Variants in SCAMP1 observed in about 807,000 individuals in gnomAD.
The protein encoded by SCAMP1 is secretory carrier membrane protein 1.
Under a neutral mutation model 41.8 loss-of-function variants are expected in SCAMP1, and 15 were observed. The ratio of observed to expected loss-of-function variants is 0.36; its 90% confidence interval spans 0.24 to 0.55. SCAMP1 has a LOEUF of 0.55. Among genes scored for constraint, SCAMP1 ranks in the 20% least tolerant of loss-of-function variants. The pLI, the probability that SCAMP1 is intolerant of heterozygous loss-of-function variation, is 0.86. For missense variants in SCAMP1, 341 were observed against 412.6 expected (o/e 0.83, Z 1.50); for synonymous variants, 135 against 136.8 (o/e 0.99, Z 0.09).
intron 5 of SCAMP1, among the ~76,000 whole-genome samples, chr5:78,419,638 A>T (rs1254184208): frequency 2.0e-5 from 3 of 152,184 alleles, no homozygotes; most frequent in Non-Finnish European, 4.4e-5. Flanking sequence ...GGAGGTAGCT[A>T]TTGAGGGTTC....
intron 1 of SCAMP1, among the ~76,000 whole-genome samples, chr5:78,378,637 A>G (rs910319988): frequency 2.0e-5 from 3 of 152,252 alleles, no homozygotes; most frequent in African/African-American, 7.2e-5. Flanking sequence ...ACTGTGAAGT[A>G]ACACTGTAAA....
At chr5:78,453,027 G>C (rs899823029) in intron 7 of SCAMP1, among the ~76,000 whole-genome samples, 47 of 144,634 alleles carry the variant, frequency 3.2e-4, no homozygotes, top group African/African-American at 1.1e-3. Context: ...CTTTTTGATG[G>C]GGTTGTTTGT....
intron 2 of SCAMP1, among the ~76,000 whole-genome samples, chr5:78,407,342 A>G (rs1313227112): frequency 1.3e-5 from 2 of 152,030 alleles, no homozygotes; most frequent in Non-Finnish European, 2.9e-5. Context: ...ATTATCAGTT[A>G]TTTTCTCTCA....
intron 1 of SCAMP1, among the ~76,000 whole-genome samples, chr5:78,362,985 C>T (rs551077570): frequency 2.6e-5 from 4 of 151,102 alleles, no homozygotes; most frequent in African/African-American, 9.7e-5. Context: ...CTCTGCCTCC[C>T]GTGTTCAAGT....
intron 6 of SCAMP1, among the ~76,000 whole-genome samples, chr5:78,445,462 T>G (rs1039523822): frequency 6.6e-6 from 1 of 152,224 alleles, no homozygotes; most frequent in Admixed American, 6.5e-5. Context: ...GATTACAATT[T>G]AATTCACATA....
At chr5:78,430,881 A>G (rs887626024) in intron 6 of SCAMP1, among the ~76,000 whole-genome samples, 4 of 152,052 alleles carry the variant, frequency 2.6e-5, no homozygotes, top group African/African-American at 9.7e-5. Flanking sequence ...CTCTTTAACT[A>G]GTGTAGTTAG....
chr5:78,474,908 A>G (rs547139571), intron 8 of SCAMP1, among the ~76,000 whole-genome samples: 4 of 152,320 alleles, frequency 2.6e-5, no homozygotes, highest in African/African-American at 9.6e-5. Flanking sequence ...ATTAATCAGT[A>G]TGGAGAAACA....
At chr5:78,383,698 C>T (rs1402323161) in intron 1 of SCAMP1, among the ~76,000 whole-genome samples, 3 of 152,138 alleles carry the variant, frequency 2.0e-5, no homozygotes, top group African/African-American at 7.2e-5. Context: ...TGTCCTTTCT[C>T]CACATTATGT....
At chr5:78,404,490 G>A (rs2115432) in intron 2 of SCAMP1, among the ~76,000 whole-genome samples, 38,916 of 132,978 alleles carry the variant, frequency 0.29, 5,724 homozygotes, top group East Asian at 0.54. Context: ...CTGACATGAT[G>A]TACTGGGTAA....
chr5:78,460,808 C>CTTTCTTTCTTTCTTTT lies in SCAMP1; in HGVS notation c.852+1446_852+1447insTTTCTTTCTTTCTTTT, dbSNP rs1164686959. On this transcript the variant is annotated intron_variant, in intron 8 of 8. Transcript: ENST00000621999. ...TCCTTCCTTCCTTCCTTCCTTCCTC[C>CTTTCTTTCTTTCTTTT]CTTCCTTCCTTCCTTTCTTGTCTTT... Among the ~76,000 whole-genome samples the CTTTCTTTCTTTCTTTT allele has an allele frequency of 1.3e-4, 3 of 23,132 alleles. 1 individual carries two copies. In the East Asian group the frequency reaches 3.2e-3, roughly 25 times the overall value. 15.2% of individuals were successfully genotyped at this position (23,132 alleles called of 152,430 possible).
intron 2 of SCAMP1, 111 bp from the exon 3 acceptor site, chr5:78,415,409 A>C: frequency 3.1e-6 from 2 of 647,872 alleles, no homozygotes; most frequent in South Asian, 1.9e-5. Context: ...AGAGCAGGGA[A>C]TGAAGAGATG....
In SCAMP1 at chr5:78,449,919, T is replaced by TC; in HGVS notation, c.633-14_633-13insC. On this transcript the variant is annotated splice_polypyrimidine_tract_variant and intron_variant, in intron 6 of 8. Coordinates refer to ENST00000621999, the MANE Select transcript of SCAMP1 (RefSeq NM_004866.6). ...TAACCCCCTTTTTTCTTTCTTTCTT[T>TC]TTTTTTTTCAAAGGAGTGACAGTTC... 7.0e-7 allele frequency: 1 copy of TC among 1,433,702 alleles called. No individual in the cohort carries two copies. The highest frequency in any genetic ancestry group is 9.4e-7 in the Non-Finnish European group (1 of 1,061,466). 88.8% of individuals were successfully genotyped at this position (1,433,702 alleles called of 1,614,324 possible). A position where few individuals can be genotyped will look rare whatever the true frequency, so the allele number is the denominator to read the frequency against.
chr5:78,462,196 A>AGTGTGTGTGTGT lies in SCAMP1; in HGVS notation c.852+2855_852+2866dup, dbSNP rs58331355. On this transcript the variant is annotated intron_variant, in intron 8 of 8. Transcript: ENST00000621999. ...TAAATGTATTCTGGATGTGTGTAGG[A>AGTGTGTGTGTGT]GTGTGTGTGTGTGTGTGTGTGTGTG... Among the ~76,000 whole-genome samples, 29 of 147,986 alleles carry AGTGTGTGTGTGT rather than the reference A, an allele frequency of 2.0e-4. No homozygotes were observed. In the East Asian group the frequency reaches 2.2e-3, roughly 11 times the overall value.
chr5:78,469,623 T>C (rs1561290745), intron 8 of SCAMP1, among the ~76,000 whole-genome samples: 1 of 151,918 alleles, frequency 6.6e-6, no homozygotes, highest in African/African-American at 2.4e-5. Flanking sequence ...TTTCGTAGAT[T>C]GGTGAGTATT....
intron 7 of SCAMP1, among the ~76,000 whole-genome samples, chr5:78,458,360 G>C (rs1323041594): frequency 1.3e-5 from 2 of 152,090 alleles, no homozygotes; most frequent in East Asian, 3.9e-4. Context: ...ATCCTAATAG[G>C]TGTGTAGTGA....
chr5:78,409,562 T>A (rs1157132080), intron 2 of SCAMP1, among the ~76,000 whole-genome samples: 1 of 152,188 alleles, frequency 6.6e-6, no homozygotes, highest in Non-Finnish European at 1.5e-5. Flanking sequence ...TCTACTTGGC[T>A]TGAGTTGGCT....
intron 6 of SCAMP1, among the ~76,000 whole-genome samples, chr5:78,448,542 A>G (rs890149759): frequency 1.6e-4 from 25 of 152,374 alleles, no homozygotes; most frequent in African/African-American, 5.5e-4. Flanking sequence ...CAAAAAGCAC[A>G]TAAAAAGATG....
chr5:78,446,629 A>G (rs4533867), intron 6 of SCAMP1, among the ~76,000 whole-genome samples: 4,341 of 152,296 alleles, frequency 0.029, 224 homozygotes, highest in African/African-American at 0.097. Context: ...GATGTGTTCT[A>G]TAGTATCCCT....
chr5:78,377,542 T>C (rs906692945), intron 1 of SCAMP1, among the ~76,000 whole-genome samples: 1 of 152,212 alleles, frequency 6.6e-6, no homozygotes, highest in Non-Finnish European at 1.5e-5. Flanking sequence ...CAGTTTCTTA[T>C]TCTTAGTTAT....
Sources: allele counts gnomAD v4.1 joint callset (sites outside exome capture counted in the v4.1 genomes callset), GRCh38; gene constraint gnomAD v4.1.1; transcripts MANE v1.5; gene names NCBI Gene and HGNC (gene_info 2026-07-23, HGNC 2026-07-21).